TUBB8B: variants seen among roughly 807,000 people sequenced by gnomAD.
TUBB8B encodes the protein HSA18p11 beta-tubulin 4Q pseudogene.
Under a neutral mutation model 31.9 loss-of-function variants are expected in TUBB8B, and 26 were observed. That is an observed-to-expected ratio of 0.81 (90% confidence interval 0.60 to 1.13). The LOEUF is 1.13. TUBB8B is among the 50% of genes most tolerant of loss of function. The pLI is 0.00. For synonymous variants in TUBB8B, 173 were observed against 231.0 expected (o/e 0.75, Z 2.28); for missense variants, 467 against 586.7 (o/e 0.80, Z 2.11).
chr18:51,981 G>A (rs1373814841), upstream of TUBB8B, among the ~76,000 whole-genome samples: 2 of 151,282 alleles, frequency 1.3e-5, no homozygotes, highest in African/African-American at 2.4e-5. Flanking sequence ...AAGTAGATGG[G>A]TTTATGGTTT....
chr18:69,924 A>C, the TUBB8B span, among the ~76,000 whole-genome samples: 2 of 152,326 alleles, frequency 1.3e-5, no homozygotes, highest in East Asian at 3.9e-4. Flanking sequence ...TGGGAGGCCG[A>C]GGCGGGCGGA....
the TUBB8B span, among the ~76,000 whole-genome samples, chr18:72,400 G>C: frequency 1.3e-5 from 2 of 152,158 alleles, no homozygotes; most frequent in Non-Finnish European, 2.9e-5. Context: ...GGATGAGAAT[G>C]TTTATAAAAC....
At chr18:55,036 G>A in the TUBB8B span, among the ~76,000 whole-genome samples, 1 of 151,724 alleles carries the variant, frequency 6.6e-6, no homozygotes. Context: ...AGAATGTTTT[G>A]AACTCAATAT....
At position 47,997 on chromosome 18, in the gene TUBB8B, G is replaced by A. The variant is rs1568382715; in HGVS notation, c.728C>T (p.Pro243Leu). The A allele has an allele frequency of 1.9e-6, 3 of 1,612,040 alleles. No individual in the cohort carries two copies. The highest frequency in any genetic ancestry group is 2.2e-5 in the South Asian group (2 of 91,010). ...CCGCAGGTCAGCATTCAGCTGGCCT[G>A]GGAAGCGCAGGCATGTGGTGACCCC... The part of the protein sequence containing the change: ...MSGVTTCLRF[P>L]GQLNADLRKL... Residue 243 changes from proline to leucine, a missense_variant, in exon 4 of 4, where the codon CCA becomes CTA. Physicochemically the swap from Pro to Leu is moderately conservative, Grantham distance 98 (BLOSUM62 -3). This residue lies in a region of TUBB8B where 259 missense variants were observed against 380.1 expected (regional missense o/e 0.68). Transcript: ENST00000308911.
At chr18:71,569 T>TA in the TUBB8B span, among the ~76,000 whole-genome samples, 16,874 of 57,476 alleles carry the variant, frequency 0.29, 2,750 homozygotes, top group East Asian at 0.48. Flanking sequence ...AAAAAAAATT[T>TA]AAAAAAAAAA....
At position 47,412 on chromosome 18, in the gene TUBB8B, T is replaced by A; in HGVS notation, c.1313A>T (p.Tyr438Phe). 3.4e-6 allele frequency: 4 copies of A among 1,162,562 alleles called. No homozygotes were observed. Among genetic ancestry groups the A allele is most frequent in the Non-Finnish European group, 5.1e-6 (4 of 784,574 alleles). 72.0% of individuals were successfully genotyped at this position (1,162,562 alleles called of 1,614,324 possible). A position where few individuals can be genotyped will look rare whatever the true frequency, so the allele number is the denominator to read the frequency against. ...ATAEEEEDEEYAEEEVA is the reference protein window; with the variant it reads ...ATAEEEEDEEFAEEEVA ...GTTCTAGGCCACCTCCTCCTCGGCA[T>A]ACTCCTCATCCTCCTCCTCCTCGGC... Residue 438 changes from tyrosine (Y) to phenylalanine (F), a missense_variant, in exon 4 of 4, where the codon TAT becomes TTT. Tyr to Phe is a conservative substitution (Grantham distance 22). Coordinates refer to ENST00000308911, the MANE Select transcript of TUBB8B (RefSeq NM_001358689.2).
chr18:64,701 G>A, the TUBB8B span, among the ~76,000 whole-genome samples: 66 of 152,132 alleles, frequency 4.3e-4, 2 homozygotes, highest in East Asian at 0.013. Flanking sequence ...CTCCACCCTG[G>A]GCAACAGAGC....
At chr18:63,426 C>T in the TUBB8B span, among the ~76,000 whole-genome samples, 3 of 151,672 alleles carry the variant, frequency 2.0e-5, no homozygotes, top group Non-Finnish European at 4.4e-5. Flanking sequence ...TCTTCCCTTT[C>T]TTTCTCTGAA....
chr18:51,448 AT>A (rs1906102327), upstream of TUBB8B, among the ~76,000 whole-genome samples: 3 of 151,822 alleles, frequency 2.0e-5, no homozygotes, highest in South Asian at 6.2e-4. Context: ...TTATTTATTA[AT>A]TTATTTTTGA....
the TUBB8B span, among the ~76,000 whole-genome samples, chr18:63,489 T>C: frequency 0.62 from 94,101 of 150,656 alleles, 30,486 homozygotes; most frequent in East Asian, 0.98. Context: ...GTTGGGGTAA[T>C]ATAAGCATCC....
chr18:72,226 C>T, the TUBB8B span, among the ~76,000 whole-genome samples: 3 of 128,386 alleles, frequency 2.3e-5, no homozygotes, highest in African/African-American at 8.4e-5. Flanking sequence ...AAAGACACCA[C>T]AGGGCCATAC....
chr18:63,806 C>T, the TUBB8B span, among the ~76,000 whole-genome samples: 1 of 149,638 alleles, frequency 6.7e-6, no homozygotes, highest in Non-Finnish European at 1.5e-5. Context: ...TACGCTAACC[C>T]TAACCCCTAA....
At chr18:67,913 C>T in the TUBB8B span, among the ~76,000 whole-genome samples, 21,624 of 125,202 alleles carry the variant, frequency 0.17, no homozygotes, top group African/African-American at 0.3. Flanking sequence ...ACCTGCAATA[C>T]TGATATGATG....
At chr18:67,548 C>A in the TUBB8B span, among the ~76,000 whole-genome samples, 1 of 152,074 alleles carries the variant, frequency 6.6e-6, no homozygotes, top group East Asian at 1.9e-4. Flanking sequence ...GGCTATGGTG[C>A]CCAGCTTTCA....
the TUBB8B span, among the ~76,000 whole-genome samples, chr18:71,917 G>A: frequency 3.3e-5 from 5 of 151,612 alleles, no homozygotes; most frequent in South Asian, 2.1e-4. Flanking sequence ...AGTGGCTCAC[G>A]CGTGTAATCC....
chr18:68,653 T>C, the TUBB8B span, among the ~76,000 whole-genome samples: 26 of 152,286 alleles, frequency 1.7e-4, 1 homozygote, highest in Non-Finnish European at 2.8e-4. Flanking sequence ...ATCTCAACTG[T>C]AAAATGGCAA....
At chr18:52,058 TCTC>T (rs1413375605), upstream of TUBB8B, among the ~76,000 whole-genome samples, 6 of 151,688 alleles carry the variant, frequency 4.0e-5, no homozygotes, top group Non-Finnish European at 5.9e-5. Flanking sequence ...TCATAAATAT[TCTC>T]CTATTATCCA....
intron 3 of TUBB8B, 85 bp downstream of exon 3, chr18:48,855 G>A: frequency 3.0e-6 from 3 of 989,422 alleles, no homozygotes; most frequent in Non-Finnish European, 4.9e-6. Flanking sequence ...TGGCGCCACA[G>A]TTCCCACAGG....
At chr18:55,991 TTTTAA>T in the TUBB8B span, among the ~76,000 whole-genome samples, 2 of 151,868 alleles carry the variant, frequency 1.3e-5, no homozygotes, top group Admixed American at 6.6e-5. Context: ...CCTTAATTCA[TTTTAA>T]TTTGATTTTT....
Sources: allele counts gnomAD v4.1 joint callset (sites outside exome capture counted in the v4.1 genomes callset), GRCh38; gene constraint gnomAD v4.1.1; regional missense constraint gnomAD v4.1.1; transcripts MANE v1.5; gene names NCBI Gene and HGNC (gene_info 2026-07-23, HGNC 2026-07-21).